The following RUNX1 variants were observed in gnomAD, a reference collection of about 807,000 sequenced individuals.
RUNX1 encodes the protein RUNX family transcription factor 1.
Under a neutral mutation model 42.8 loss-of-function variants are expected in RUNX1, and 19 were observed. That is an observed-to-expected ratio of 0.44 (90% CI 0.31 to 0.65). The LOEUF (loss-of-function observed/expected upper bound fraction) is 0.65. Ranked by LOEUF, RUNX1 falls within the 30% of genes least tolerant of loss-of-function variation. RUNX1 has a pLI of 0.07. For missense variants in RUNX1, 528 were observed against 672.0 expected (o/e 0.79, Z 2.37); for synonymous variants, 271 against 289.4 (o/e 0.94, Z 0.64).
intron 2 of RUNX1, among the ~76,000 whole-genome samples, chr21:34,982,543 A>T (rs2058855069): frequency 6.6e-6 from 1 of 152,022 alleles, no homozygotes; most frequent in South Asian, 2.1e-4. Context: ...CTCATTAATG[A>T]TTGCGATACT....
At chr21:34,889,690 G>T in intron 3 of RUNX1, 1 of 1,167,744 alleles carries the variant, frequency 8.6e-7, no homozygotes. Context: ...GGCTTCGCGT[G>T]CGGGCGGCCG....
At chr21:34,806,435 A>G (rs1173666385) in intron 7 of RUNX1, among the ~76,000 whole-genome samples, 1 of 152,258 alleles carries the variant, frequency 6.6e-6, no homozygotes, top group Non-Finnish European at 1.5e-5. Flanking sequence ...CTAAGAAGAC[A>G]GCATCTTTAA....
At chr21:34,815,087 A>G (rs1490784027) in intron 7 of RUNX1, among the ~76,000 whole-genome samples, 1 of 152,222 alleles carries the variant, frequency 6.6e-6, no homozygotes, top group African/African-American at 2.4e-5. Flanking sequence ...AAAATTAAAA[A>G]GCAAACCAGT....
intron 2 of RUNX1, among the ~76,000 whole-genome samples, chr21:35,015,531 T>C (rs2242888): frequency 0.42 from 63,120 of 152,070 alleles, 13,613 homozygotes; most frequent in African/African-American, 0.46. Flanking sequence ...GATACAATGA[T>C]GCCAGTGGTG....
intron 2 of RUNX1, among the ~76,000 whole-genome samples, chr21:34,991,136 C>T (rs1293238044): frequency 6.6e-6 from 1 of 152,194 alleles, no homozygotes; most frequent in Non-Finnish European, 1.5e-5. Context: ...CTGGCGAAGA[C>T]CGGGGCCCAG....
At chr21:35,032,422 T>C (rs1331896927) in intron 2 of RUNX1, among the ~76,000 whole-genome samples, 1 of 152,248 alleles carries the variant, frequency 6.6e-6, no homozygotes, top group Non-Finnish European at 1.5e-5. Flanking sequence ...AGAAAGTCTA[T>C]TTAAGCTGAT....
intron 2 of RUNX1, among the ~76,000 whole-genome samples, chr21:35,040,298 A>T (rs2147005678): frequency 6.6e-6 from 1 of 152,340 alleles, no homozygotes; most frequent in East Asian, 1.9e-4. Flanking sequence ...CTCCTGAAAA[A>T]AATGGCACTC....
intron 2 of RUNX1, chr21:35,038,611 C>CTGTGTGTG (rs1234796159): frequency 1.2e-4 from 35 of 301,724 alleles, no homozygotes; most frequent in East Asian, 2.1e-4. Flanking sequence ...CTCTCTCTCT[C>CTGTGTGTG]TCTGTGTGTG....
At chr21:34,814,864 A>G (rs931203205) in intron 7 of RUNX1, among the ~76,000 whole-genome samples, 4 of 152,188 alleles carry the variant, frequency 2.6e-5, no homozygotes, top group African/African-American at 4.8e-5. Flanking sequence ...GTTTTTCAAC[A>G]AGAAAATGCA....
At chr21:34,936,536 A>G (rs1176744276) in intron 2 of RUNX1, among the ~76,000 whole-genome samples, 1 of 152,210 alleles carries the variant, frequency 6.6e-6, no homozygotes, top group East Asian at 1.9e-4. Context: ...CATTTGTGAT[A>G]AAAAGCTGCT....
In RUNX1 at chr21:34,849,261, TATATATA is replaced by T. The variant is rs1318302746; in HGVS notation, c.613+10206_613+10212del. On this transcript the variant is annotated intron_variant, in intron 6 of 8. Coordinates refer to ENST00000675419, the MANE Select transcript of RUNX1 (RefSeq NM_001754.5). ...GAACTTTGCTTTGGGTACATATATATATATATAATATATATATAATATATATTATATA... is the reference window on the plus strand; with the variant it reads ...GAACTTTGCTTTGGGTACATATATATATATATATATAATATATATTATATA... Among the ~76,000 whole-genome samples the T allele has an allele frequency of 2.9e-4, 17 of 58,128 alleles. No individual in the cohort carries two copies. In the East Asian group the frequency reaches 4.4e-3, roughly 15 times the overall value. 38.1% of individuals were successfully genotyped at this position (58,128 alleles called of 152,430 possible). A position where few individuals can be genotyped will look rare whatever the true frequency, so the allele number is the denominator to read the frequency against.
intron 7 of RUNX1, among the ~76,000 whole-genome samples, chr21:34,801,961 T>G (rs1280301091): frequency 9.7e-6 from 1 of 102,574 alleles, no homozygotes; most frequent in East Asian, 2.9e-4. Context: ...CACTGACACT[T>G]TCTTATTCTC....
intron 5 of RUNX1, among the ~76,000 whole-genome samples, chr21:34,864,291 G>T (rs1196639484): frequency 6.6e-6 from 1 of 152,254 alleles, no homozygotes; most frequent in Admixed American, 6.5e-5. Context: ...GTACATGGGT[G>T]TGGAGCACAA....
Position 34,851,733 on chromosome 21 carries a change from A to G in RUNX1, c.613+7741T>C, listed in dbSNP as rs534964657. Among the ~76,000 whole-genome samples the G allele has an allele frequency of 1.3e-5, 2 of 152,332 alleles. 1 individual carries two copies. Among genetic ancestry groups the G allele is most frequent in the South Asian group, 4.1e-4 (2 of 4,828 alleles). On this transcript the variant is annotated intron_variant, in intron 6 of 8. Transcript: ENST00000675419. Reference sequence around the variant, plus strand: ...CAGACGGAAAGAGAAATTCAATGTAATGGTGTAAGTTTCTTCCCTCTTCTC... The same window carrying G: ...CAGACGGAAAGAGAAATTCAATGTAGTGGTGTAAGTTTCTTCCCTCTTCTC...
intron 2 of RUNX1, among the ~76,000 whole-genome samples, chr21:34,971,834 T>A (rs2058765945): frequency 2.0e-5 from 3 of 152,154 alleles, no homozygotes; most frequent in South Asian, 4.1e-4. Flanking sequence ...AGAACAAGCA[T>A]AACAACATGT....
chr21:34,910,322 T>A (rs2058262109), intron 2 of RUNX1, among the ~76,000 whole-genome samples: 1 of 152,110 alleles, frequency 6.6e-6, no homozygotes, highest in Non-Finnish European at 1.5e-5. Flanking sequence ...CCAGGTCCTA[T>A]TTTTCTCCTT....
chr21:34,902,499 A>G (rs2058185064), intron 2 of RUNX1, among the ~76,000 whole-genome samples: 2 of 152,222 alleles, frequency 1.3e-5, no homozygotes, highest in Non-Finnish European at 2.9e-5. Flanking sequence ...AGACATAAAT[A>G]CATATATATT....
At chr21:34,999,778 A>G (rs530473490) in intron 2 of RUNX1, among the ~76,000 whole-genome samples, 2 of 152,288 alleles carry the variant, frequency 1.3e-5, no homozygotes, top group South Asian at 4.1e-4. Flanking sequence ...TAGGCACAAG[A>G]CGGTGTAAAT....
intron 2 of RUNX1, among the ~76,000 whole-genome samples, chr21:34,939,855 T>G (rs2058513740): frequency 6.6e-6 from 1 of 152,110 alleles, no homozygotes. Flanking sequence ...TTTTTTTATT[T>G]TTATTTTTTC....
Sources: gnomAD v4.1 joint callset for allele counts (sites outside exome capture counted in the v4.1 genomes callset) on GRCh38, gnomAD v4.1.1 for gene constraint, MANE v1.5 for transcripts, NCBI Gene and HGNC (gene_info 2026-07-23, HGNC 2026-07-21) for gene names.